Variants in PCDHGA7 observed in about 807,000 individuals in gnomAD.
PCDHGA7 encodes the protein protocadherin gamma-A7.
Under a neutral mutation model 58.3 loss-of-function variants are expected in PCDHGA7, and 44 were observed. The ratio of observed to expected loss-of-function variants is 0.75; its 90% confidence interval spans 0.59 to 0.97. PCDHGA7 has a LOEUF of 0.97. PCDHGA7 is among the 50% of genes least tolerant of loss of function. The pLI, the probability that PCDHGA7 is intolerant of heterozygous loss-of-function variation, is 0.00. For synonymous variants in PCDHGA7, 516 were observed against 504.2 expected, an observed-to-expected ratio of 1.02 and a Z score of -0.31; for missense variants, 1,266 against 1,188.7, an observed-to-expected ratio of 1.06 and a Z score of -0.96.
At chr5:141,422,287 A>G in intron 1 of PCDHGA7, 3 of 1,553,500 alleles carry the variant, frequency 1.9e-6, no homozygotes, top group South Asian at 1.3e-5. Context: ...CACCTCTTCT[A>G]TTAATTCAAT....
rs544860780 is a variant in PCDHGA7 at position 141,406,543 on chromosome 5, C to G, written c.2424+21220C>G. On this transcript the variant is annotated intron_variant, in intron 1 of 3. Transcript: ENST00000518325. ...AGATATTTTCTGACGAAGATTCAAA[C>G]TTCAGTTATCCACTTCCAAACCCTA... is the stretch of plus-strand genomic sequence containing the variant. Among the ~76,000 whole-genome samples, 16 of 152,288 alleles carry G rather than the reference C, an allele frequency of 1.1e-4. 1 individual carries two copies. The South Asian group carries it at 2.9e-3, about 28-fold the overall frequency.
chr5:141,426,090 T>G (rs545457395), intron 1 of PCDHGA7, among the ~76,000 whole-genome samples: 1 of 152,246 alleles, frequency 6.6e-6, no homozygotes, highest in African/African-American at 2.4e-5. Context: ...CAGGACGATA[T>G]TCTGTTCAGT....
chr5:141,399,421 A>G lies in PCDHGA7; in HGVS notation c.2424+14098A>G, dbSNP rs1444290267. On this transcript the variant is annotated intron_variant, in intron 1 of 3. Coordinates refer to ENST00000518325, the MANE Select transcript of PCDHGA7 (RefSeq NM_018920.4). ...GGGCAAGCCGCCCCTCTCCTCCAGCATAAGCGTCATCCTACATATCAGAGA... is the reference window on the plus strand; with the variant it reads ...GGGCAAGCCGCCCCTCTCCTCCAGCGTAAGCGTCATCCTACATATCAGAGA... 1.2e-6 allele frequency: 2 copies of G among 1,614,036 alleles called. No homozygotes were observed. Among genetic ancestry groups the G allele is most frequent in the Middle Eastern group, 1.6e-4 (1 of 6,062 alleles).
At chr5:141,428,041 TG>T (rs1260865435) in intron 1 of PCDHGA7, 1 of 1,608,448 alleles carries the variant, frequency 6.2e-7, no homozygotes, top group African/African-American at 1.3e-5. Flanking sequence ...GGCTACCTGG[TG>T]ACCAAGGTGG....
chr5:141,400,384 G>A (rs1335444355), intron 1 of PCDHGA7: 2 of 1,614,054 alleles, frequency 1.2e-6, no homozygotes, highest in South Asian at 1.1e-5. Flanking sequence ...CCTATGTGTT[G>A]CACATACAGG....
Position 141,393,140 on chromosome 5 carries a change from G to A in PCDHGA7, c.2424+7817G>A, listed in dbSNP as rs756948310. The A allele has an allele frequency of 1.9e-6, 3 of 1,613,260 alleles. No individual in the cohort carries two copies. In the South Asian group the frequency reaches 3.3e-5, roughly 18 times the overall value. ...GGTGTCTGATAAATATTAACACCCT[G>A]GTTGAGGATAAAGGAAAACTCTTTG... On this transcript the variant is annotated intron_variant, in intron 1 of 3. Coordinates refer to ENST00000518325, the MANE Select transcript of PCDHGA7 (RefSeq NM_018920.4).
chr5:141,482,383 G>A (rs1594230401), intron 1 of PCDHGA7, among the ~76,000 whole-genome samples: 2 of 152,240 alleles, frequency 1.3e-5, no homozygotes, highest in East Asian at 3.9e-4. Context: ...TAAAGTCCCT[G>A]TATGGAGCAA....
In PCDHGA7 at chr5:141,433,051, G is replaced by A. The variant is rs754102028; in HGVS notation, c.2424+47728G>A. The A allele has an allele frequency of 1.8e-5, 29 of 1,614,066 alleles. No homozygotes were observed. In the East Asian group the frequency reaches 2.5e-4, roughly 14 times the overall value. On this transcript the variant is annotated intron_variant, in intron 1 of 3. Transcript: ENST00000518325. ...AGGTTTCCCTCACCACGGACTCGCG[G>A]AAGAGTCACCTGATCTTCCCCCAGC...
Position 141,477,952 on chromosome 5 carries a change from A to C in PCDHGA7, c.2425-16855A>C, listed in dbSNP as rs907708638. The C allele has an allele frequency of 1.2e-6, 2 of 1,614,038 alleles. No individual in the cohort carries two copies. Among genetic ancestry groups the C allele is most frequent in the Non-Finnish European group, 1.7e-6 (2 of 1,180,002 alleles). Reference sequence around the variant, plus strand: ...CCTGGCTCTCCTACAGTCTCTTGGGATCCCCTAACCAGAGCCTTTTTGCCA... The same window carrying C: ...CCTGGCTCTCCTACAGTCTCTTGGGCTCCCCTAACCAGAGCCTTTTTGCCA... On this transcript the variant is annotated intron_variant, in intron 1 of 3. Coordinates refer to ENST00000518325, the MANE Select transcript of PCDHGA7 (RefSeq NM_018920.4). This position sits in a 1 kb window ranked among gnomAD's most constrained non-coding sequence, Gnocchi z 4.9.
At chr5:141,406,044 G>A (rs1473314165) in intron 1 of PCDHGA7, among the ~76,000 whole-genome samples, 1 of 151,228 alleles carries the variant, frequency 6.6e-6, no homozygotes, top group Non-Finnish European at 1.5e-5. Flanking sequence ...ATTGGTTGCA[G>A]TGGACTCATA....
rs57426385 is a variant in PCDHGA7 at position 141,415,740 on chromosome 5, G to GTTTTT, written c.2424+30445_2424+30449dup. 865 of 624,308 alleles carry GTTTTT rather than the reference G, an allele frequency of 1.4e-3. 3 individuals carry two copies. Among genetic ancestry groups the GTTTTT allele is most frequent in the South Asian group, 2.2e-3 (75 of 34,868 alleles). The allele number at this position is 624,308 out of a possible 1,614,324, so 38.7% of individuals were successfully genotyped here. A position where few individuals can be genotyped will look rare whatever the true frequency, so the allele number is the denominator to read the frequency against. ...TGAGTAGAATTTGATGTTTATTAAG[G>GTTTTT]TTTTTTTTTTTTTTTTTTTTTTTTT... is the stretch of plus-strand genomic sequence containing the variant. On this transcript the variant is annotated intron_variant, in intron 1 of 3. Transcript: ENST00000518325.
chr5:141,466,518 T>C (rs1430823209), intron 1 of PCDHGA7, among the ~76,000 whole-genome samples: 2 of 152,222 alleles, frequency 1.3e-5, no homozygotes, highest in Admixed American at 6.5e-5. Flanking sequence ...TCATTTTTTT[T>C]CCTCCCAAAT....
At position 141,486,691 on chromosome 5, in the gene PCDHGA7, T is replaced by C. The variant is rs778748447; in HGVS notation, c.2425-8116T>C. 8 of 1,614,024 alleles carry C rather than the reference T, an allele frequency of 5.0e-6. No individual in the cohort carries two copies. The highest frequency in any genetic ancestry group is 1.3e-5 in the African/African-American group (1 of 74,922). The stretch of plus-strand genomic sequence containing the variant: ...GGAATCGAGATGTATCAGCTTCCTC[T>C]TTCATCTCTCTGAACCCCCAGACAG... On this transcript the variant is annotated intron_variant, in intron 1 of 3. Coordinates refer to ENST00000518325, the MANE Select transcript of PCDHGA7 (RefSeq NM_018920.4). The surrounding 1 kb of genome is among the most constrained non-coding windows in gnomAD (Gnocchi z 5.0).
chr5:141,409,997 G>T, intron 1 of PCDHGA7: 3 of 1,613,224 alleles, frequency 1.9e-6, no homozygotes, highest in Non-Finnish European at 2.5e-6. Flanking sequence ...CGCCGACTCG[G>T]GACACAACGC....
intron 1 of PCDHGA7, among the ~76,000 whole-genome samples, chr5:141,483,834 A>G (rs2154580001): frequency 6.6e-6 from 1 of 152,212 alleles, no homozygotes; most frequent in South Asian, 2.1e-4. Flanking sequence ...CTAGGTAAGG[A>G]CTTGGTTGAA....
chr5:141,422,166 T>G (rs370704205), intron 1 of PCDHGA7: 30 of 1,569,256 alleles, frequency 1.9e-5, no homozygotes, highest in Non-Finnish European at 2.5e-5. Flanking sequence ...TTGAAAAATA[T>G]AGATTCTATG....
In PCDHGA7 at chr5:141,490,453, T is replaced by C; in HGVS notation, c.2425-4354T>C. 6.2e-7 allele frequency: 1 copy of C among 1,614,178 alleles called. No homozygotes were observed. Among genetic ancestry groups the C allele is most frequent in the Non-Finnish European group, 8.5e-7 (1 of 1,180,042 alleles). ...GATTAAGCCTTCTGAGAACCACTAC[T>C]CGCTGCTAACCAGCCAGCCTTTGGA... On this transcript the variant is annotated intron_variant, in intron 1 of 3. Coordinates refer to ENST00000518325, the MANE Select transcript of PCDHGA7 (RefSeq NM_018920.4). This position sits in a 1 kb window ranked among gnomAD's most constrained non-coding sequence, Gnocchi z 5.4.
At chr5:141,393,218 C>G (rs1157907229) in intron 1 of PCDHGA7, 2 of 1,613,598 alleles carry the variant, frequency 1.2e-6, no homozygotes, top group Admixed American at 3.3e-5. Flanking sequence ...AATTCCAGGT[C>G]GAAGATCTAG....
At chr5:141,475,760 C>T (rs1480762060) in intron 1 of PCDHGA7, among the ~76,000 whole-genome samples, 1 of 152,286 alleles carries the variant, frequency 6.6e-6, no homozygotes, top group Non-Finnish European at 1.5e-5. Flanking sequence ...TGCACCGATA[C>T]TGGCAAGGCG....
Sources: gnomAD v4.1 joint callset for allele counts (sites outside exome capture counted in the v4.1 genomes callset) on GRCh38, gnomAD v4.1.1 for gene constraint, Gnocchi (gnomAD v3.1) non-coding constraint, MANE v1.5 for transcripts, NCBI Gene and HGNC (gene_info 2026-07-23, HGNC 2026-07-21) for gene names.